SCAPER: variants seen among roughly 807,000 people sequenced by gnomAD.
SCAPER encodes S phase cyclin A-associated protein in the endoplasmic reticulum.
A neutral mutation model predicts 182.2 loss-of-function variants in SCAPER; 98 were observed. The ratio of observed to expected loss-of-function variants is 0.54; its 90% confidence interval spans 0.46 to 0.64. The LOEUF (loss-of-function observed/expected upper bound fraction) is 0.64. Among genes scored for constraint, SCAPER ranks in the 30% least tolerant of loss-of-function variants. The pLI is 0.00. For missense variants in SCAPER, 1,432 were observed against 1,690.0 expected, an observed-to-expected ratio of 0.85 and a Z score of 2.68; for synonymous variants, 605 against 564.6, an observed-to-expected ratio of 1.07 and a Z score of -1.01.
At chr15:76,504,836 A>G (rs947964147) in intron 24 of SCAPER, 23 bp downstream of exon 24, 1 of 1,555,712 alleles carries the variant, frequency 6.4e-7, no homozygotes, top group Non-Finnish European at 8.7e-7. Context: ...AACGTAAAAA[A>G]TAGATTAAGA....
intron 29 of SCAPER, among the ~76,000 whole-genome samples, chr15:76,355,529 T>C (rs1180529555): frequency 7.1e-6 from 1 of 141,624 alleles, no homozygotes; most frequent in African/African-American, 2.6e-5. Context: ...TATGATGATA[T>C]GATTATTAGA....
chr15:76,412,389 C>T (rs1194991228), intron 26 of SCAPER, among the ~76,000 whole-genome samples: 1 of 151,996 alleles, frequency 6.6e-6, no homozygotes, highest in Non-Finnish European at 1.5e-5. Context: ...AAAAATGTAC[C>T]ACTCTAATGA....
chr15:76,836,786 A>C lies in SCAPER; in HGVS notation c.393+4948T>G, dbSNP rs183455419. 3.6e-3 allele frequency among the ~76,000 whole-genome samples: 552 copies of C among 152,276 alleles called. 6 individuals are homozygous for C. The highest frequency in any genetic ancestry group is 0.013 in the African/African-American group (533 of 41,566). On this transcript the variant is annotated intron_variant, in intron 5 of 31. Transcript: ENST00000563290. ...CTACTCGGGAGGCTGAGGCAGGAGAATGGCATGAACCCAGGAGGCACAGCT... is the reference window on the plus strand; with the variant it reads ...CTACTCGGGAGGCTGAGGCAGGAGACTGGCATGAACCCAGGAGGCACAGCT...
Position 76,883,883 on chromosome 15 carries a change from T to TA in SCAPER, c.-59-8dup. 4 of 1,169,208 alleles carry TA rather than the reference T, an allele frequency of 3.4e-6. No individual in the cohort carries two copies. Among genetic ancestry groups the TA allele is most frequent in the Non-Finnish European group, 4.8e-6 (4 of 827,016 alleles). 72.4% of individuals were successfully genotyped at this position (1,169,208 alleles called of 1,614,324 possible). ...AACCCATGGAGTATGACTCCTACAA[T>TA]AAAAAATATATATACGCTTAGTTAT... is the stretch of plus-strand genomic sequence containing the variant. On this transcript the variant is annotated splice_polypyrimidine_tract_variant and splice_region_variant and intron_variant, in intron 1 of 31. Coordinates refer to ENST00000563290, the MANE Select transcript of SCAPER (RefSeq NM_020843.4).
intron 17 of SCAPER, among the ~76,000 whole-genome samples, chr15:76,722,353 A>G (rs1327809022): frequency 6.6e-6 from 1 of 152,188 alleles, no homozygotes; most frequent in African/African-American, 2.4e-5. Flanking sequence ...GGATTTTTGC[A>G]TCAATGTTCA....
chr15:76,411,186 G>A (rs1219277841), intron 26 of SCAPER, among the ~76,000 whole-genome samples: 1 of 152,074 alleles, frequency 6.6e-6, no homozygotes, highest in Non-Finnish European at 1.5e-5. Flanking sequence ...TGATGTTTTT[G>A]AGATTTATTC....
intron 5 of SCAPER, among the ~76,000 whole-genome samples, chr15:76,810,190 A>C (rs747671530): frequency 6.6e-6 from 1 of 152,156 alleles, no homozygotes; most frequent in Non-Finnish European, 1.5e-5. Context: ...AAAATATATA[A>C]AGAATAAAAG....
At chr15:76,890,953 C>T (rs995481572) in intron 1 of SCAPER, among the ~76,000 whole-genome samples, 5 of 152,140 alleles carry the variant, frequency 3.3e-5, no homozygotes, top group African/African-American at 1.2e-4. Context: ...AGCAGCACAT[C>T]AAAAAGCTTA....
At chr15:76,423,599 T>C (rs1177067195) in intron 26 of SCAPER, among the ~76,000 whole-genome samples, 1 of 152,140 alleles carries the variant, frequency 6.6e-6, no homozygotes, top group African/African-American at 2.4e-5. Flanking sequence ...TTTTGAAGGG[T>C]TTTTTGTTTC....
At chr15:76,665,507 A>C (rs1337591248) in intron 21 of SCAPER, 146 bp downstream of exon 21, 1 of 921,336 alleles carries the variant, frequency 1.1e-6, no homozygotes, top group Non-Finnish European at 1.6e-6. Flanking sequence ...CAATCAAGGA[A>C]AGTGGCTATA....
intron 25 of SCAPER, among the ~76,000 whole-genome samples, chr15:76,436,510 T>C (rs533896789): frequency 2.0e-5 from 3 of 152,326 alleles, no homozygotes; most frequent in African/African-American, 4.8e-5. Flanking sequence ...TCATCAATTA[T>C]ATTTTAAAAT....
rs567106086 is a variant in SCAPER at position 76,709,944 on chromosome 15, T to C, written c.2166-3960A>G. Among the ~76,000 whole-genome samples, 5 of 152,260 alleles carry C rather than the reference T, an allele frequency of 3.3e-5. No homozygotes were observed. The East Asian group carries it at 9.6e-4, about 29-fold the overall frequency. On this transcript the variant is annotated intron_variant, in intron 17 of 31. Coordinates refer to ENST00000563290, the MANE Select transcript of SCAPER (RefSeq NM_020843.4). ...CTTAATGGACCCACAAAAAGATGGATTTCACCAAATTCAAAGTCCATTCAT... is the reference window on the plus strand; with the variant it reads ...CTTAATGGACCCACAAAAAGATGGACTTCACCAAATTCAAAGTCCATTCAT...
chr15:76,777,970 A>G (rs191395130), intron 8 of SCAPER, among the ~76,000 whole-genome samples: 1 of 152,304 alleles, frequency 6.6e-6, no homozygotes, highest in East Asian at 1.9e-4. Flanking sequence ...TACAAAGCCT[A>G]TTTTATAATA....
chr15:76,545,642 G>A (rs1030691485), intron 23 of SCAPER, among the ~76,000 whole-genome samples: 2 of 152,106 alleles, frequency 1.3e-5, no homozygotes, highest in African/African-American at 4.8e-5. Context: ...ATGCCTAGGG[G>A]AAGGGAAATA....
At chr15:76,497,811 T>C (rs972244374) in intron 24 of SCAPER, among the ~76,000 whole-genome samples, 2 of 151,082 alleles carry the variant, frequency 1.3e-5, no homozygotes, top group Non-Finnish European at 3.0e-5. Flanking sequence ...ACCAACATGG[T>C]GAAACCCCAT....
intron 21 of SCAPER, among the ~76,000 whole-genome samples, chr15:76,650,859 G>C (rs2054974671): frequency 6.6e-6 from 1 of 151,816 alleles, no homozygotes; most frequent in Non-Finnish European, 1.5e-5. Flanking sequence ...AACACTTAAA[G>C]ACAAAAAGAT....
chr15:76,901,401 C>A (rs946476581), intron 1 of SCAPER, among the ~76,000 whole-genome samples: 2 of 152,188 alleles, frequency 1.3e-5, no homozygotes, highest in African/African-American at 4.8e-5. Context: ...CTGAAACTCT[C>A]TCTCTTTTCC....
rs1425074810 is a variant in SCAPER, at chr15:76,601,933, G to A, written c.2711+19831C>T. On this transcript the variant is annotated intron_variant, in intron 22 of 31. Transcript: ENST00000563290. ...CTGCACATATTCAAGTCCTGCAGTCGGCCCCTTGGAATCTGCAAATACGAA... is the reference window on the plus strand; with the variant it reads ...CTGCACATATTCAAGTCCTGCAGTCAGCCCCTTGGAATCTGCAAATACGAA... Among the ~76,000 whole-genome samples, 2 of 120,280 alleles carry A rather than the reference G, an allele frequency of 1.7e-5. 1 individual carries two copies. The highest frequency in any genetic ancestry group is 4.0e-5 in the Non-Finnish European group (2 of 49,714). The allele number at this position is 120,280 out of a possible 152,430, so 78.9% of individuals were successfully genotyped here. A position where few individuals can be genotyped will look rare whatever the true frequency, so the allele number is the denominator to read the frequency against.
intron 23 of SCAPER, among the ~76,000 whole-genome samples, chr15:76,512,391 A>C (rs142545086): frequency 6.6e-6 from 1 of 152,128 alleles, no homozygotes; most frequent in African/African-American, 2.4e-5. Context: ...ACCATTAAGA[A>C]GGGAACTAAA....
Sources: allele counts gnomAD v4.1 joint callset (sites outside exome capture counted in the v4.1 genomes callset), GRCh38; gene constraint gnomAD v4.1.1; transcripts MANE v1.5; gene names NCBI Gene and HGNC (gene_info 2026-07-23, HGNC 2026-07-21).